The following SDK2 variants were observed in gnomAD, a reference collection of about 807,000 sequenced individuals.
SDK2 encodes the protein protein sidekick-2.
In SDK2, 105 loss-of-function variants were observed where a neutral mutation model predicts 253.9. That is an observed-to-expected ratio of 0.41 (90% CI 0.35 to 0.49). SDK2 has a LOEUF of 0.49. SDK2 is among the 20% of genes least tolerant of loss of function. SDK2 has a pLI of 0.06. For missense variants in SDK2, 2,608 were observed against 3,003.0 expected (o/e 0.87, Z 3.07); for synonymous variants, 1,249 against 1,234.9 (o/e 1.01, Z -0.24).
intron 2 of SDK2, among the ~76,000 whole-genome samples, chr17:73,483,530 T>A (rs1474223518): frequency 1.4e-5 from 2 of 140,890 alleles, no homozygotes; most frequent in Non-Finnish European, 3.0e-5. Context: ...TGTATATATA[T>A]ATGTATGTAT....
chr17:73,437,965 C>T lies in SDK2; in HGVS notation c.915G>A (p.Leu305=), dbSNP rs1364696384. Residue 305 remains leucine (L), a splice_region_variant and synonymous_variant, in exon 7 of 45, where the codon CTG becomes CTA. Transcript: ENST00000392650. The part of the protein sequence containing the change: ...SVVRGAYLSV[L]EPPQFVKEPE... ...CCTAGCAGCCCCACCCTCTCTCACC[C>T]AGCACTGAGAGGTAGGCGCCCCGGA... 6.4e-7 allele frequency: 1 copy of T among 1,552,072 alleles called. No homozygotes were observed. Among genetic ancestry groups the T allele is most frequent in the Non-Finnish European group, 8.7e-7 (1 of 1,147,174 alleles).
chr17:73,458,042 G>A (rs2063540070), intron 3 of SDK2, among the ~76,000 whole-genome samples: 1 of 152,104 alleles, frequency 6.6e-6, no homozygotes, highest in Non-Finnish European at 1.5e-5. Flanking sequence ...ACAGTGGAGT[G>A]ATCATGGCTC....
intron 18 of SDK2, among the ~76,000 whole-genome samples, chr17:73,405,908 A>T (rs1186116450): frequency 3.3e-5 from 5 of 151,222 alleles, no homozygotes; most frequent in African/African-American, 1.2e-4. Flanking sequence ...CATTTTTAGT[A>T]GAAACGGGGT....
At chr17:73,558,522 C>T (rs1320619457) in intron 1 of SDK2, among the ~76,000 whole-genome samples, 1 of 151,996 alleles carries the variant, frequency 6.6e-6, no homozygotes, top group African/African-American at 2.4e-5. Flanking sequence ...TTTCATGGCA[C>T]TTTAAAATGT....
At chr17:73,403,050 C>G (rs867269761) in intron 18 of SDK2, among the ~76,000 whole-genome samples, 1 of 152,224 alleles carries the variant, frequency 6.6e-6, no homozygotes, top group Non-Finnish European at 1.5e-5. Context: ...CCGCCCGCCT[C>G]GGCCTCCCAA....
chr17:73,343,990 A>G (rs1022664060), intron 44 of SDK2, among the ~76,000 whole-genome samples: 2 of 152,206 alleles, frequency 1.3e-5, no homozygotes, highest in Non-Finnish European at 2.9e-5. Context: ...TGAAGCCGGC[A>G]GCGCATCTGT....
At chr17:73,433,313 C>T (rs1364822410) in intron 10 of SDK2, among the ~76,000 whole-genome samples, 5 of 151,640 alleles carry the variant, frequency 3.3e-5, no homozygotes, top group Non-Finnish European at 7.4e-5. Flanking sequence ...GACGGAGTCT[C>T]GCTCTGTCTC....
At chr17:73,385,552 C>T (rs1056062654) in intron 32 of SDK2, among the ~76,000 whole-genome samples, 5 of 152,270 alleles carry the variant, frequency 3.3e-5, no homozygotes, top group African/African-American at 7.2e-5. Flanking sequence ...TGGGGCCATT[C>T]GGGTCCCCTC....
At chr17:73,459,522 C>A (rs558400615) in intron 3 of SDK2, among the ~76,000 whole-genome samples, 6 of 152,176 alleles carry the variant, frequency 3.9e-5, no homozygotes, top group Admixed American at 2.6e-4. Context: ...TCTACAGCAT[C>A]CTGGAAGGAT....
At chr17:73,403,427 C>A (rs1237970028) in intron 18 of SDK2, among the ~76,000 whole-genome samples, 2 of 152,024 alleles carry the variant, frequency 1.3e-5, no homozygotes, top group Non-Finnish European at 2.9e-5. Context: ...TGGCCCCCGC[C>A]CCCTCCCGCC....
chr17:73,551,702 G>A (rs2045062158), intron 1 of SDK2, among the ~76,000 whole-genome samples: 1 of 152,116 alleles, frequency 6.6e-6, no homozygotes, highest in Non-Finnish European at 1.5e-5. Context: ...ATGCCATAGC[G>A]AGCAAGACAG....
chr17:73,548,911 C>T (rs796795242), intron 1 of SDK2, among the ~76,000 whole-genome samples: 13 of 152,354 alleles, frequency 8.5e-5, no homozygotes, highest in African/African-American at 3.1e-4. Context: ...CTCAGACACC[C>T]CAAGATGCGT....
In SDK2 at chr17:73,368,689, C is replaced by T. The variant is rs2062707974; in HGVS notation, c.4981-96G>A. 3 of 1,081,664 alleles carry T rather than the reference C, an allele frequency of 2.8e-6. No homozygotes were observed. In the East Asian group the frequency reaches 8.3e-5, roughly 30 times the overall value. The allele number at this position is 1,081,664 out of a possible 1,614,324, so 67.0% of individuals were successfully genotyped here. On this transcript the variant is annotated intron_variant, in intron 36 of 44. Transcript: ENST00000392650. ...TGTAGTCTCAGAGACACCTTCATTGCTGTGAGTCACCTGGGAAACAGCGGA... is the reference window on the plus strand; with the variant it reads ...TGTAGTCTCAGAGACACCTTCATTGTTGTGAGTCACCTGGGAAACAGCGGA...
rs1374625904 is a variant in SDK2 at position 73,482,709 on chromosome 17, G to GGTCT, written c.225-10495_225-10492dup. ...CCATCAGCCCAGTGGTCCCCACAGA[G>GGTCT]GTCTGGCTGGATGAGAAAGCAAAGG... is the stretch of plus-strand genomic sequence containing the variant. On this transcript the variant is annotated intron_variant, in intron 2 of 44. Coordinates refer to ENST00000392650, the MANE Select transcript of SDK2 (RefSeq NM_001144952.2). 3.9e-4 allele frequency among the ~76,000 whole-genome samples: 60 copies of GGTCT among 152,380 alleles called. 1 individual carries two copies. Among genetic ancestry groups the GGTCT allele is most frequent in the African/African-American group, 1.3e-3 (53 of 41,598 alleles).
Position 73,491,264 on chromosome 17 carries a change from A to G in SDK2, c.224+16174T>C, listed in dbSNP as rs75828422. On this transcript the variant is annotated intron_variant, in intron 2 of 44. Coordinates refer to ENST00000392650, the MANE Select transcript of SDK2 (RefSeq NM_001144952.2). ...CCTTATCTAGGACAAGCCCTGGCCC[A>G]GCAAAGCAGCCTGGGGAGCTTCAGT... 4.7e-3 allele frequency among the ~76,000 whole-genome samples: 718 copies of G among 152,226 alleles called. 4 individuals are homozygous for G. The highest frequency in any genetic ancestry group is 0.028 in the East Asian group (147 of 5,176).
At chr17:73,470,101 T>C (rs1011799394) in intron 3 of SDK2, among the ~76,000 whole-genome samples, 8 of 146,486 alleles carry the variant, frequency 5.5e-5, no homozygotes, top group East Asian at 2.1e-4. Context: ...TCTGAACACA[T>C]AACCAATACA....
chr17:73,578,829 C>G (rs546961569), intron 1 of SDK2, among the ~76,000 whole-genome samples: 27 of 152,318 alleles, frequency 1.8e-4, no homozygotes, highest in African/African-American at 5.1e-4. Context: ...GCCGACCCCA[C>G]TTCCCATTCG....
intron 1 of SDK2, chr17:73,519,991 G>T (rs9652811): frequency 6.6e-6 from 1 of 152,366 alleles, no homozygotes; most frequent in African/African-American, 2.4e-5. Context: ...GCCCATTCTA[G>T]TCCCTGGCAG....
At chr17:73,419,723 A>C (rs1252228791) in intron 15 of SDK2, among the ~76,000 whole-genome samples, 1 of 74,144 alleles carries the variant, frequency 1.3e-5, no homozygotes, top group African/African-American at 4.3e-5. Context: ...AAACAACAAA[A>C]AAAACCCAAA....
Sources: allele counts gnomAD v4.1 joint callset (sites outside exome capture counted in the v4.1 genomes callset), GRCh38; gene constraint gnomAD v4.1.1; transcripts MANE v1.5; gene names NCBI Gene and HGNC (gene_info 2026-07-23, HGNC 2026-07-21).